Variants in ARHGAP24 observed in about 807,000 individuals in gnomAD.
ARHGAP24 encodes Rho GTPase activating protein 24, also known as rho GTPase-activating protein 24.
ARHGAP24 carries 50 observed loss-of-function variants against 76.4 expected under a neutral mutation model. That is an observed-to-expected ratio of 0.65 (90% confidence interval 0.52 to 0.83). ARHGAP24 has a LOEUF of 0.83. ARHGAP24 is among the 40% of genes least tolerant of loss of function. The pLI, the probability that ARHGAP24 is intolerant of heterozygous loss-of-function variation, is 0.00. For missense variants in ARHGAP24, 930 were observed against 914.2 expected (o/e 1.02, Z -0.22); for synonymous variants, 345 against 323.3 (o/e 1.07, Z -0.72).
intron 3 of ARHGAP24, among the ~76,000 whole-genome samples, chr4:85,878,925 G>C (rs1031651727): frequency 2.0e-5 from 3 of 152,092 alleles, no homozygotes; most frequent in Admixed American, 1.3e-4. Flanking sequence ...AAGCTTTGAA[G>C]GAATTGTATA....
chr4:85,486,569 G>A (rs1560504957), intron 1 of ARHGAP24, among the ~76,000 whole-genome samples: 1 of 152,180 alleles, frequency 6.6e-6, no homozygotes, highest in Admixed American at 6.5e-5. Flanking sequence ...TGTTTATGAT[G>A]CATGAGAGAG....
At position 85,995,402 on chromosome 4, in the gene ARHGAP24, T is replaced by C; in HGVS notation, c.1748T>C (p.Phe583Ser). Residue 583 changes from phenylalanine (F) to serine (S), a missense_variant, in exon 9 of 10, where the codon TTT becomes TCT. Transcript: ENST00000395184. The stretch of plus-strand genomic sequence containing the variant: ...ACCACCACCTGCCCAGAGCAAGACT[T>C]TTTTGGGGGGAACTTTGAGGACCCT... ...SSTTTCPEQDFFGGNFEDPVL... is the reference protein window; with the variant it reads ...SSTTTCPEQDSFGGNFEDPVL... 3.7e-6 allele frequency: 6 copies of C among 1,612,626 alleles called. No individual in the cohort carries two copies. Among genetic ancestry groups the C allele is most frequent in the Non-Finnish European group, 5.1e-6 (6 of 1,178,988 alleles).
At chr4:85,739,045 G>C (rs1725715636) in intron 3 of ARHGAP24, among the ~76,000 whole-genome samples, 1 of 152,194 alleles carries the variant, frequency 6.6e-6, no homozygotes, top group Non-Finnish European at 1.5e-5. Flanking sequence ...TGTTATTAAA[G>C]CCTTGAAAAT....
intron 1 of ARHGAP24, among the ~76,000 whole-genome samples, chr4:85,546,532 A>C (rs889409866): frequency 4.6e-5 from 7 of 152,224 alleles, no homozygotes; most frequent in African/African-American, 1.7e-4. Flanking sequence ...ACATTTTAGA[A>C]TTAACAGAAA....
intron 1 of ARHGAP24, among the ~76,000 whole-genome samples, chr4:85,554,088 A>C (rs2086534): frequency 0.91 from 138,786 of 152,240 alleles, 64,531 homozygotes; most frequent in East Asian, 1. Flanking sequence ...ATATAAAATT[A>C]TTGGTTGCAA....
intron 2 of ARHGAP24, among the ~76,000 whole-genome samples, chr4:85,599,871 C>A (rs985258887): frequency 3.3e-5 from 5 of 151,936 alleles, no homozygotes; most frequent in Non-Finnish European, 7.4e-5. Flanking sequence ...TTTATTTGTT[C>A]ATTCAAATAA....
intron 2 of ARHGAP24, among the ~76,000 whole-genome samples, chr4:85,718,282 A>G (rs1724806879): frequency 1.3e-5 from 2 of 152,134 alleles, no homozygotes. Flanking sequence ...GTAGATGACT[A>G]CACTTGGCAT....
intron 2 of ARHGAP24, among the ~76,000 whole-genome samples, chr4:85,571,878 CAA>C (rs1468299575): frequency 1.3e-5 from 2 of 152,186 alleles, no homozygotes; most frequent in Non-Finnish European, 2.9e-5. Context: ...CAAAGTTAAA[CAA>C]ACAGTGGTTT....
intron 2 of ARHGAP24, among the ~76,000 whole-genome samples, chr4:85,624,929 C>T (rs1489147308): frequency 6.6e-6 from 1 of 152,150 alleles, no homozygotes; most frequent in Non-Finnish European, 1.5e-5. Flanking sequence ...TCCCCTTTCT[C>T]ATTTTTTATT....
At position 85,481,701 on chromosome 4, in the gene ARHGAP24, A is replaced by C. The variant is rs1300227399; in HGVS notation, c.-21+6142A>C. On this transcript the variant is annotated intron_variant, in intron 1 of 9. Transcript: ENST00000395184. ...ACTTCATTCCATGACATGGGGACAT[A>C]CGTCCTGGGAGCACTGTGAGCAACA... 2.6e-5 allele frequency among the ~76,000 whole-genome samples: 4 copies of C among 152,342 alleles called. No homozygotes were observed. In the East Asian group the frequency reaches 5.8e-4, roughly 22 times the overall value.
chr4:85,841,277 A>G (rs1374967849), intron 3 of ARHGAP24, among the ~76,000 whole-genome samples: 1 of 152,232 alleles, frequency 6.6e-6, no homozygotes, highest in Non-Finnish European at 1.5e-5. Context: ...CTGATTGAAA[A>G]TTGTATAAAA....
intron 1 of ARHGAP24, among the ~76,000 whole-genome samples, chr4:85,495,073 C>T (rs1197069318): frequency 3.8e-5 from 5 of 130,082 alleles, no homozygotes; most frequent in Non-Finnish European, 7.8e-5. Flanking sequence ...CCAGCCCAGG[C>T]GACAGTGCGA....
intron 2 of ARHGAP24, among the ~76,000 whole-genome samples, chr4:85,718,178 A>G (rs1436225077): frequency 1.3e-5 from 2 of 152,140 alleles, no homozygotes; most frequent in African/African-American, 4.8e-5. Flanking sequence ...AATGTTCCTT[A>G]TAAGACAAAA....
Position 85,633,530 on chromosome 4 carries a change from C to G in ARHGAP24, c.180+62809C>G, listed in dbSNP as rs1459715411. Among the ~76,000 whole-genome samples, 3 of 151,834 alleles carry G rather than the reference C, an allele frequency of 2.0e-5. 1 individual carries two copies. In the East Asian group the frequency reaches 5.8e-4, roughly 29 times the overall value. The stretch of plus-strand genomic sequence containing the variant: ...CAGATCACTCCTTGAACTGACCTCT[C>G]AAATCTATTTTGCTATATGTAAAAT... On this transcript the variant is annotated intron_variant, in intron 2 of 9. Transcript: ENST00000395184.
intron 4 of ARHGAP24, among the ~76,000 whole-genome samples, chr4:85,928,622 TA>T (rs1271958438): frequency 6.6e-6 from 1 of 151,980 alleles, no homozygotes; most frequent in Admixed American, 6.6e-5. Context: ...CACATCCACC[TA>T]AATTTTTTTT....
At chr4:85,961,732 T>C (rs552153414) in intron 5 of ARHGAP24, among the ~76,000 whole-genome samples, 1 of 152,164 alleles carries the variant, frequency 6.6e-6, no homozygotes, top group East Asian at 1.9e-4. Context: ...TATTAAAGTA[T>C]ATATAATATG....
At chr4:85,965,360 T>C (rs1738527307) in intron 5 of ARHGAP24, among the ~76,000 whole-genome samples, 1 of 151,996 alleles carries the variant, frequency 6.6e-6, no homozygotes, top group Admixed American at 6.6e-5. Context: ...TCACACTGGG[T>C]CCCTCCCACA....
chr4:85,736,677 T>C (rs948482557), intron 3 of ARHGAP24, among the ~76,000 whole-genome samples: 1 of 152,190 alleles, frequency 6.6e-6, no homozygotes, highest in African/African-American at 2.4e-5. Context: ...AGCAATCGAG[T>C]ACTTACAAAA....
At chr4:85,674,039 C>G (rs1040259660) in intron 2 of ARHGAP24, among the ~76,000 whole-genome samples, 1 of 152,126 alleles carries the variant, frequency 6.6e-6, no homozygotes, top group African/African-American at 2.4e-5. Flanking sequence ...AGCCTGGGCT[C>G]TCGACTTACC....
Sources: allele counts gnomAD v4.1 joint callset (sites outside exome capture counted in the v4.1 genomes callset), GRCh38; gene constraint gnomAD v4.1.1; transcripts MANE v1.5; gene names NCBI Gene and HGNC (gene_info 2026-07-23, HGNC 2026-07-21).